The following CDH8 variants were observed in gnomAD, a reference collection of about 807,000 sequenced individuals.
CDH8 encodes cadherin-8.
In CDH8, 17 loss-of-function variants were observed where a neutral mutation model predicts 68.1. That is an observed-to-expected ratio of 0.25 (90% CI 0.17 to 0.37). CDH8 has a LOEUF of 0.37. Ranked by LOEUF, CDH8 falls within the 10% of genes least tolerant of loss-of-function variation. The probability of loss-of-function intolerance (pLI) is 1.00; values close to 1 mark genes in which losing one functional copy is unlikely to be tolerated. For synonymous variants in CDH8, 372 were observed against 365.1 expected (o/e 1.02, Z -0.21); for missense variants, 763 against 999.3 (o/e 0.76, Z 3.19).
chr16:61,916,735 G>T (rs1402751643), intron 2 of CDH8, among the ~76,000 whole-genome samples: 1 of 152,092 alleles, frequency 6.6e-6, no homozygotes, highest in Non-Finnish European at 1.5e-5. Context: ...GCTCACCTGG[G>T]CAGGAGTTAG....
intron 8 of CDH8, among the ~76,000 whole-genome samples, chr16:61,759,615 T>C (rs1960413683): frequency 6.6e-6 from 1 of 152,176 alleles, no homozygotes; most frequent in Non-Finnish European, 1.5e-5. Flanking sequence ...AACTGCCATA[T>C]GACTTCCACT....
chr16:61,824,778 G>A (rs983464957), intron 5 of CDH8, among the ~76,000 whole-genome samples: 1 of 151,918 alleles, frequency 6.6e-6, no homozygotes, highest in Admixed American at 6.6e-5. Context: ...CTTGCAGTCA[G>A]ACATACTGGT....
In CDH8 at chr16:62,032,499, T is replaced by A. The variant is rs570197460; in HGVS notation, c.-200+3581A>T. Among the ~76,000 whole-genome samples, 7 of 152,270 alleles carry A rather than the reference T, an allele frequency of 4.6e-5. No individual in the cohort carries two copies. The South Asian group carries it at 1.5e-3, about 32-fold the overall frequency. ...AGACCATTTCCTCTGTGAATGCCAA[T>A]AGCGCTGAAAACAAAAAGAAAATTG... On this transcript the variant is annotated intron_variant, in intron 1 of 11. Transcript: ENST00000577390.
chr16:61,744,947 G>C (rs1959977162), intron 8 of CDH8, among the ~76,000 whole-genome samples: 1 of 147,682 alleles, frequency 6.8e-6, no homozygotes, highest in African/African-American at 2.5e-5. Flanking sequence ...ATATTATTTT[G>C]TATTTTTCCA....
intron 2 of CDH8, among the ~76,000 whole-genome samples, chr16:61,938,969 G>A (rs1197503534): frequency 1.3e-5 from 2 of 152,268 alleles, no homozygotes; most frequent in East Asian, 1.9e-4. Flanking sequence ...ATCCTATTAC[G>A]TGTAGCTGTA....
chr16:61,814,488 G>T (rs1290092674), intron 7 of CDH8, among the ~76,000 whole-genome samples: 3 of 152,184 alleles, frequency 2.0e-5, no homozygotes, highest in African/African-American at 7.2e-5. Context: ...TTTCTAGCTT[G>T]ACAATGTGCT....
At chr16:61,932,310 T>C (rs1326733564) in intron 2 of CDH8, among the ~76,000 whole-genome samples, 1 of 151,904 alleles carries the variant, frequency 6.6e-6, no homozygotes, top group African/African-American at 2.4e-5. Flanking sequence ...ATTAGAGATA[T>C]TGCTAAAACA....
chr16:61,707,570 C>A (rs932755303), intron 10 of CDH8, among the ~76,000 whole-genome samples: 2 of 152,070 alleles, frequency 1.3e-5, no homozygotes, highest in Non-Finnish European at 2.9e-5. Flanking sequence ...TTCCTGCCTT[C>A]TCTATCTACT....
At chr16:61,662,900 G>T (rs1271857143) in intron 10 of CDH8, among the ~76,000 whole-genome samples, 1 of 151,904 alleles carries the variant, frequency 6.6e-6, no homozygotes, top group South Asian at 2.1e-4. Flanking sequence ...CCCAGTTAGG[G>T]ATTTTCCTGT....
chr16:61,686,689 C>T (rs370280801), intron 10 of CDH8, among the ~76,000 whole-genome samples: 1 of 152,004 alleles, frequency 6.6e-6, no homozygotes, highest in East Asian at 1.9e-4. Context: ...GTTGGAAATG[C>T]TACTTGGGTA....
intron 8 of CDH8, 59 bp downstream of exon 8, chr16:61,789,287 A>T: frequency 6.8e-7 from 1 of 1,467,450 alleles, no homozygotes; most frequent in Non-Finnish European, 9.4e-7. Context: ...TCACGTTATT[A>T]ATAAGCATAA....
At chr16:61,980,452 T>C (rs1450069795) in intron 2 of CDH8, among the ~76,000 whole-genome samples, 1 of 152,184 alleles carries the variant, frequency 6.6e-6, no homozygotes, top group Non-Finnish European at 1.5e-5. Context: ...CATCATCATA[T>C]CATCATAGTA....
chr16:61,667,597 TCTC>T (rs1963704610), intron 10 of CDH8: 1 of 151,958 alleles, frequency 6.6e-6, no homozygotes. Flanking sequence ...GAGAATGGAT[TCTC>T]CTCTAGAGTT....
chr16:61,700,656 T>C (rs1482143953), intron 10 of CDH8, among the ~76,000 whole-genome samples: 1 of 152,198 alleles, frequency 6.6e-6, no homozygotes, highest in Non-Finnish European at 1.5e-5. Flanking sequence ...TAACAATGTA[T>C]AAGATTTCTC....
chr16:61,924,167 G>A (rs1467398004), intron 2 of CDH8, among the ~76,000 whole-genome samples: 1 of 152,006 alleles, frequency 6.6e-6, no homozygotes, highest in Non-Finnish European at 1.5e-5. Flanking sequence ...TACTCTAAGT[G>A]GGATGGTATT....
intron 1 of CDH8, among the ~76,000 whole-genome samples, chr16:62,025,459 G>A (rs562419465): frequency 2.2e-4 from 33 of 152,118 alleles, no homozygotes; most frequent in South Asian, 8.3e-4. Flanking sequence ...TGCTATTCCC[G>A]TGCAACTTCC....
At chr16:61,662,509 G>T (rs904998669) in intron 10 of CDH8, among the ~76,000 whole-genome samples, 1 of 151,716 alleles carries the variant, frequency 6.6e-6, no homozygotes, top group African/African-American at 2.4e-5. Context: ...ATCTCTTGAA[G>T]TTGAGGGTAA....
chr16:61,969,199 C>T (rs571464876), intron 2 of CDH8, among the ~76,000 whole-genome samples: 8 of 152,272 alleles, frequency 5.3e-5, no homozygotes, highest in South Asian at 2.1e-4. Flanking sequence ...ATAGAACTCC[C>T]GGTTCTCAGA....
chr16:61,686,045 G>T (rs919858043), intron 10 of CDH8, among the ~76,000 whole-genome samples: 1 of 151,914 alleles, frequency 6.6e-6, no homozygotes, highest in Non-Finnish European at 1.5e-5. Flanking sequence ...GTCCACATTG[G>T]TTATCTAATT....
Sources: allele counts gnomAD v4.1 joint callset (sites outside exome capture counted in the v4.1 genomes callset), GRCh38; gene constraint gnomAD v4.1.1; transcripts MANE v1.5; gene names NCBI Gene and HGNC (gene_info 2026-07-23, HGNC 2026-07-21).